The following RAB3GAP1 variants were observed in gnomAD, a reference collection of about 807,000 sequenced individuals.
The protein encoded by RAB3GAP1 is RAB3 GTPase activating protein catalytic subunit 1.
In RAB3GAP1, 86 loss-of-function variants were observed where a neutral mutation model predicts 130.7. The observed-to-expected ratio is 0.66, with a 90% CI of 0.55 to 0.79. RAB3GAP1 has a LOEUF of 0.79. Ranked by LOEUF, RAB3GAP1 falls within the 30% of genes least tolerant of loss-of-function variation. RAB3GAP1 has a pLI of 0.00. For synonymous variants in RAB3GAP1, 367 were observed against 401.7 expected (o/e 0.91, Z 1.03); for missense variants, 1,029 against 1,169.4 (o/e 0.88, Z 1.75).
At chr2:135,174,330 G>A (rs899539922), downstream of RAB3GAP1, among the ~76,000 whole-genome samples, 5 of 152,176 alleles carry the variant, frequency 3.3e-5, no homozygotes, top group East Asian at 9.6e-4. Flanking sequence ...TGACAGGAGC[G>A]CTGTGTGACC....
At chr2:135,083,913 T>A (rs973397372) in intron 3 of RAB3GAP1, among the ~76,000 whole-genome samples, 11 of 152,076 alleles carry the variant, frequency 7.2e-5, no homozygotes, top group Non-Finnish European at 8.8e-5. Context: ...TATACCTTTT[T>A]TAGAGAAATG....
intron 3 of RAB3GAP1, among the ~76,000 whole-genome samples, chr2:135,074,396 C>CTA (rs1689563541): frequency 6.6e-6 from 1 of 152,232 alleles, no homozygotes; most frequent in Non-Finnish European, 1.5e-5. Context: ...AGCCTTCAGG[C>CTA]TATACCAGGG....
intron 5 of RAB3GAP1, among the ~76,000 whole-genome samples, chr2:135,104,017 CCACA>C (rs745664031): frequency 2.4e-4 from 36 of 152,166 alleles, no homozygotes; most frequent in Non-Finnish European, 4.6e-4. Flanking sequence ...ATTCCCCAAC[CCACA>C]CACAGATCAT....
chr2:135,089,341 T>A (rs532459423), intron 3 of RAB3GAP1, among the ~76,000 whole-genome samples: 2 of 152,236 alleles, frequency 1.3e-5, no homozygotes, highest in South Asian at 4.1e-4. Context: ...TCCAGCTTTG[T>A]TCTTTTTGCT....
At chr2:135,085,038 C>A (rs1689934261) in intron 3 of RAB3GAP1, among the ~76,000 whole-genome samples, 1 of 152,110 alleles carries the variant, frequency 6.6e-6, no homozygotes, top group Admixed American at 6.5e-5. Flanking sequence ...AAAGAAAGCA[C>A]ACCTCTGGGG....
intron 17 of RAB3GAP1, among the ~76,000 whole-genome samples, chr2:135,148,510 T>TTG (rs1692070892): frequency 6.7e-6 from 1 of 149,986 alleles, no homozygotes; most frequent in Non-Finnish European, 1.5e-5. Flanking sequence ...TTTTTTTTTT[T>TTG]TTGGTGACGG....
chr2:135,104,109 C>T (rs1558776808), intron 5 of RAB3GAP1, among the ~76,000 whole-genome samples: 1 of 152,084 alleles, frequency 6.6e-6, no homozygotes, highest in Non-Finnish European at 1.5e-5. Context: ...GGTTTACCTG[C>T]AAACTATACA....
chr2:135,107,229 A>G (rs556127378), intron 5 of RAB3GAP1, among the ~76,000 whole-genome samples: 42 of 152,330 alleles, frequency 2.8e-4, no homozygotes, highest in Non-Finnish European at 4.4e-4. Context: ...CTTACAAGTA[A>G]TACTAAAAGA....
chr2:135,091,007 A>G lies in RAB3GAP1; in HGVS notation c.160A>G (p.Thr54Ala). Residue 54 changes from threonine (T) to alanine (A), a missense_variant, in exon 4 of 24, where the codon ACT (threonine) becomes GCT (alanine). Coordinates refer to ENST00000264158, the MANE Select transcript of RAB3GAP1 (RefSeq NM_012233.3). Reference protein sequence around the residue: ...LGKPLEKGIFTSGTWEEKSDE... With the variant: ...LGKPLEKGIFASGTWEEKSDE... ...TTATTGGTACATATAGGGTATATTT[A>G]CTTCTGGCACATGGGAAGAGAAATC... 6.2e-7 allele frequency: 1 copy of G among 1,612,108 alleles called. No individual in the cohort carries two copies. The highest frequency in any genetic ancestry group is 8.5e-7 in the Non-Finnish European group (1 of 1,178,402).
chr2:135,106,132 A>AGGAG (rs1439040752), intron 5 of RAB3GAP1, among the ~76,000 whole-genome samples: 4 of 147,782 alleles, frequency 2.7e-5, no homozygotes, highest in Non-Finnish European at 4.5e-5. Context: ...CGCCCCGTCC[A>AGGAG]GGAGGTGGGG....
At chr2:135,171,578 T>G (rs961561133), downstream of RAB3GAP1, among the ~76,000 whole-genome samples, 3 of 152,150 alleles carry the variant, frequency 2.0e-5, no homozygotes. Flanking sequence ...CTGTAATAAT[T>G]CAGATTTTTC....
chr2:135,152,122 A>T (rs1471334101), intron 18 of RAB3GAP1, among the ~76,000 whole-genome samples: 1 of 152,278 alleles, frequency 6.6e-6, no homozygotes, highest in South Asian at 2.1e-4. Flanking sequence ...GGAAATATGT[A>T]GTTATTCTAA....
intron 14 of RAB3GAP1, among the ~76,000 whole-genome samples, chr2:135,133,537 C>T (rs926673487): frequency 1.3e-5 from 2 of 152,008 alleles, no homozygotes; most frequent in African/African-American, 4.8e-5. Flanking sequence ...TTTTTTCAGA[C>T]GTGCTCATTT....
intron 5 of RAB3GAP1, among the ~76,000 whole-genome samples, chr2:135,099,026 C>T (rs1381328555): frequency 6.6e-6 from 1 of 151,978 alleles, no homozygotes; most frequent in Non-Finnish European, 1.5e-5. Context: ...ATATGTATTA[C>T]AAGATACCAT....
At chr2:135,136,505 T>G in intron 17 of RAB3GAP1, 1 of 202,520 alleles carries the variant, frequency 4.9e-6, no homozygotes. Flanking sequence ...TTTTGGGGCT[T>G]TTAGGTTTGC....
In RAB3GAP1 at chr2:135,135,881, G is replaced by A. The variant is rs779692570; in HGVS notation, c.1872G>A (p.Gly624=). ...LRPEGRLYQH[G]KLTLLHNGEP... is the part of the protein sequence containing the mutation. Reference sequence around the variant, plus strand: ...CGGAAGGACGGCTCTATCAGCATGGGAAACTTACACTGCTGCATAATGGAG... The same window carrying A: ...CGGAAGGACGGCTCTATCAGCATGGAAAACTTACACTGCTGCATAATGGAG... The change falls in exon 17 of 24, where the codon GGG becomes GGA. Residue 624 remains glycine (G), a synonymous_variant. Transcript: ENST00000264158. 6.2e-7 allele frequency: 1 copy of A among 1,614,062 alleles called. No individual in the cohort carries two copies. The highest frequency in any genetic ancestry group is 1.1e-5 in the South Asian group (1 of 91,072).
At chr2:135,094,896 A>T (rs754650850) in intron 5 of RAB3GAP1, among the ~76,000 whole-genome samples, 5 of 152,150 alleles carry the variant, frequency 3.3e-5, no homozygotes, top group Non-Finnish European at 7.3e-5. Context: ...TTATGGCTGA[A>T]TAATATTATA....
At chr2:135,057,871 A>C (rs1264272963) in intron 2 of RAB3GAP1, 140 bp from the exon 3 acceptor site, 2 of 668,164 alleles carry the variant, frequency 3.0e-6, no homozygotes, top group Non-Finnish European at 2.7e-6. Flanking sequence ...ATATCCATAA[A>C]TTAAGCTAGC....
intron 3 of RAB3GAP1, among the ~76,000 whole-genome samples, chr2:135,071,077 C>G (rs1689460874): frequency 6.6e-6 from 1 of 152,152 alleles, no homozygotes; most frequent in Non-Finnish European, 1.5e-5. Flanking sequence ...ATAGAGACTA[C>G]AGGTTTGTGT....
Sources: allele counts gnomAD v4.1 joint callset (sites outside exome capture counted in the v4.1 genomes callset), GRCh38; gene constraint gnomAD v4.1.1; transcripts MANE v1.5; gene names NCBI Gene and HGNC (gene_info 2026-07-23, HGNC 2026-07-21).